Variants in COX7B2 observed in about 807,000 individuals in gnomAD.
COX7B2 encodes the protein cytochrome c oxidase subunit 7B2, mitochondrial.
For missense variants in COX7B2, 109 were observed against 95.9 expected (o/e 1.14, Z -0.57); for synonymous variants, 37 against 32.1 (o/e 1.15, Z -0.51).
chr4:46,888,504 C>T (rs901214884), intron 1 of COX7B2, among the ~76,000 whole-genome samples: 45 of 150,832 alleles, frequency 3.0e-4, no homozygotes, highest in African/African-American at 9.0e-4. Flanking sequence ...AGTGCAGTGG[C>T]GCGATCTAGG....
intron 2 of COX7B2, among the ~76,000 whole-genome samples, chr4:46,820,919 A>G (rs1170311699): frequency 2.0e-5 from 3 of 151,844 alleles, no homozygotes; most frequent in African/African-American, 7.2e-5. Context: ...CTCACGTAAG[A>G]GTTGAAAATT....
chr4:46,866,837 C>A (rs933042521), intron 1 of COX7B2, among the ~76,000 whole-genome samples: 1 of 152,070 alleles, frequency 6.6e-6, no homozygotes, highest in African/African-American at 2.4e-5. Flanking sequence ...GTCATTATTA[C>A]CTGCTGTGGA....
intron 2 of COX7B2, among the ~76,000 whole-genome samples, chr4:46,756,092 T>A (rs58282714): frequency 0.33 from 49,701 of 151,918 alleles, 8,381 homozygotes; most frequent in South Asian, 0.47. Flanking sequence ...CAAAACACCA[T>A]GGTACTGGTA....
chr4:46,863,948 C>T (rs997490367), intron 1 of COX7B2, among the ~76,000 whole-genome samples: 2 of 152,120 alleles, frequency 1.3e-5, no homozygotes, highest in South Asian at 2.1e-4. Flanking sequence ...AATTGGCTAT[C>T]GAAATCTGAA....
At chr4:46,749,081 G>A (rs1314154894) in intron 2 of COX7B2, among the ~76,000 whole-genome samples, 1 of 152,024 alleles carries the variant, frequency 6.6e-6, no homozygotes, top group South Asian at 2.1e-4. Context: ...CCTTATCAAT[G>A]TTTCATCCTT....
chr4:46,881,971 C>G (rs2109849711), intron 1 of COX7B2, among the ~76,000 whole-genome samples: 1 of 152,250 alleles, frequency 6.6e-6, no homozygotes, highest in South Asian at 2.1e-4. Flanking sequence ...ACTTCTGTGT[C>G]CCAGAGATTC....
At chr4:46,866,837 C>T (rs933042521) in intron 1 of COX7B2, among the ~76,000 whole-genome samples, 8 of 152,070 alleles carry the variant, frequency 5.3e-5, no homozygotes, top group Non-Finnish European at 1.0e-4. Context: ...GTCATTATTA[C>T]CTGCTGTGGA....
chr4:46,889,323 T>C (rs1409628793), intron 1 of COX7B2, among the ~76,000 whole-genome samples: 11 of 152,180 alleles, frequency 7.2e-5, no homozygotes, highest in African/African-American at 2.4e-4. Flanking sequence ...CTGTCACCTA[T>C]TCCCTGGATG....
chr4:46,830,614 C>T (rs952462282), intron 2 of COX7B2, among the ~76,000 whole-genome samples: 3 of 152,152 alleles, frequency 2.0e-5, no homozygotes, highest in African/African-American at 4.8e-5. Context: ...GAAGTGTTCA[C>T]AGAGCAATTG....
At chr4:46,812,868 G>C (rs1370972132) in intron 2 of COX7B2, among the ~76,000 whole-genome samples, 1 of 152,186 alleles carries the variant, frequency 6.6e-6, no homozygotes, top group Non-Finnish European at 1.5e-5. Flanking sequence ...GATGCTTAGA[G>C]GTACAGCTGC....
chr4:46,735,650 C>T (rs1270860500), intron 2 of COX7B2, among the ~76,000 whole-genome samples: 2 of 152,066 alleles, frequency 1.3e-5, no homozygotes, highest in African/African-American at 4.8e-5. Flanking sequence ...AACCCCTTTC[C>T]TTCTCCTTCT....
chr4:46,862,070 A>G (rs1342644477), intron 1 of COX7B2, among the ~76,000 whole-genome samples: 1 of 152,140 alleles, frequency 6.6e-6, no homozygotes, highest in South Asian at 2.1e-4. Flanking sequence ...CCACCTGAAC[A>G]CTTTCTTCAG....
chr4:46,811,143 G>T (rs139123637), intron 2 of COX7B2, among the ~76,000 whole-genome samples: 1 of 152,176 alleles, frequency 6.6e-6, no homozygotes, highest in East Asian at 1.9e-4. Flanking sequence ...TCTTTGGGTT[G>T]AATATATTTG....
chr4:46,758,510 A>G lies in COX7B2; in HGVS notation c.-49-23269T>C, dbSNP rs572999455. Among the ~76,000 whole-genome samples the G allele has an allele frequency of 7.9e-5, 12 of 152,286 alleles. No individual in the cohort carries two copies. In the South Asian group the frequency reaches 2.5e-3, roughly 32 times the overall value. ...ATTTCCATCACCAAAAGTTCAGGTG[A>G]CGAAGCTGATATTACAAGGGAAAAA... is the stretch of plus-strand genomic sequence containing the variant. On this transcript the variant is annotated intron_variant, in intron 2 of 2. Transcript: ENST00000355591.
intron 2 of COX7B2, among the ~76,000 whole-genome samples, chr4:46,829,056 G>C (rs1714895445): frequency 6.6e-6 from 1 of 152,066 alleles, no homozygotes; most frequent in Non-Finnish European, 1.5e-5. Flanking sequence ...AGTATTCTAA[G>C]CACGTGATTG....
At chr4:46,902,575 T>C (rs1720136481) in intron 1 of COX7B2, among the ~76,000 whole-genome samples, 1 of 152,260 alleles carries the variant, frequency 6.6e-6, no homozygotes, top group African/African-American at 2.4e-5. Flanking sequence ...CTTTAGGTAT[T>C]GTCTTCTGAG....
chr4:46,779,939 T>C (rs1255619511), intron 2 of COX7B2, among the ~76,000 whole-genome samples: 2 of 152,146 alleles, frequency 1.3e-5, no homozygotes, highest in East Asian at 3.9e-4. Flanking sequence ...TATTATATGG[T>C]ATAGTAAAAA....
rs528800828 is a variant in COX7B2, at chr4:46,840,801, C to A, written c.-50+4159G>T. On this transcript the variant is annotated intron_variant, in intron 2 of 2. Coordinates refer to ENST00000355591, the MANE Select transcript of COX7B2 (RefSeq NM_130902.3). ...AGTGGACATAAGGCCTTTAGTGGCCCACTGAAGAGATACCTAATTCAGGCT... is the reference window on the plus strand; with the variant it reads ...AGTGGACATAAGGCCTTTAGTGGCCAACTGAAGAGATACCTAATTCAGGCT... Among the ~76,000 whole-genome samples the A allele has an allele frequency of 1.6e-4, 24 of 152,062 alleles. No individual in the cohort carries two copies. In the South Asian group the frequency reaches 4.8e-3, roughly 30 times the overall value.
intron 2 of COX7B2, among the ~76,000 whole-genome samples, chr4:46,777,829 T>G (rs1185413413): frequency 6.6e-6 from 1 of 152,096 alleles, no homozygotes; most frequent in African/African-American, 2.4e-5. Flanking sequence ...ATGCTTCAAT[T>G]TCCTCAAAAA....
Sources: allele counts gnomAD v4.1 joint callset (sites outside exome capture counted in the v4.1 genomes callset), GRCh38; gene constraint gnomAD v4.1.1; transcripts MANE v1.5; gene names NCBI Gene and HGNC (gene_info 2026-07-23, HGNC 2026-07-21).